ATP8A2: variants seen among roughly 807,000 people sequenced by gnomAD.
The protein encoded by ATP8A2 is phospholipid-transporting ATPase IB.
Under a neutral mutation model 165.6 loss-of-function variants are expected in ATP8A2, and 100 were observed. The ratio of observed to expected loss-of-function variants is 0.60; its 90% confidence interval spans 0.51 to 0.71. The LOEUF (loss-of-function observed/expected upper bound fraction) is 0.71, where lower values mean the gene tolerates loss of function less well. Ranked by LOEUF, ATP8A2 falls within the 30% of genes least tolerant of loss-of-function variation. The pLI, the probability that ATP8A2 is intolerant of heterozygous loss-of-function variation, is 0.00. For missense variants in ATP8A2, 1,227 were observed against 1,479.5 expected, an observed-to-expected ratio of 0.83 and a Z score of 2.80; for synonymous variants, 543 against 548.8, an observed-to-expected ratio of 0.99 and a Z score of 0.15.
rs1350490844 is a variant in ATP8A2 at position 26,021,544 on chromosome 13, C to T, written c.*1559C>T. The T allele has an allele frequency of 1.3e-5, 2 of 152,248 alleles. No homozygotes were observed. Among genetic ancestry groups the T allele is most frequent in the Admixed American group, 1.3e-4 (2 of 15,286 alleles). The allele number at this position is 152,248 out of a possible 1,614,324, so 9.4% of individuals were successfully genotyped here. The stretch of plus-strand genomic sequence containing the variant: ...ACTTTCCCAACTGCAGAGTCCCACA[C>T]TTAAATCTCAACAGAACCTAGATGT... On this transcript the variant is annotated 3_prime_UTR_variant, in exon 37 of 37. Transcript: ENST00000381655.
At chr13:25,812,249 A>G (rs1480500707) in intron 27 of ATP8A2, among the ~76,000 whole-genome samples, 9 of 150,988 alleles carry the variant, frequency 6.0e-5, no homozygotes, top group Admixed American at 6.0e-4. Context: ...ATGTACCATT[A>G]TAGTATGTTT....
intron 1 of ATP8A2, among the ~76,000 whole-genome samples, chr13:25,441,058 A>G (rs1326188744): frequency 2.0e-5 from 3 of 152,180 alleles, no homozygotes; most frequent in African/African-American, 7.2e-5. Flanking sequence ...GAAAACTATA[A>G]ACTCCTGATT....
At chr13:25,507,869 C>G (rs1482970933) in intron 2 of ATP8A2, among the ~76,000 whole-genome samples, 1 of 152,030 alleles carries the variant, frequency 6.6e-6, no homozygotes, top group Non-Finnish European at 1.5e-5. Context: ...TAAATGTAAA[C>G]TACATAATAT....
intron 26 of ATP8A2, among the ~76,000 whole-genome samples, chr13:25,770,864 C>T (rs921197232): frequency 6.6e-6 from 1 of 152,128 alleles, no homozygotes; most frequent in African/African-American, 2.4e-5. Flanking sequence ...ATCACATGAA[C>T]ACAAGGAAAA....
intron 2 of ATP8A2, among the ~76,000 whole-genome samples, chr13:25,499,278 G>A (rs556143931): frequency 2.6e-5 from 4 of 152,318 alleles, no homozygotes; most frequent in African/African-American, 9.6e-5. Context: ...AGGGAGATGA[G>A]TCTTGAGTGT....
chr13:25,741,809 C>T (rs766355775), intron 25 of ATP8A2, among the ~76,000 whole-genome samples: 9 of 152,194 alleles, frequency 5.9e-5, no homozygotes, highest in Non-Finnish European at 1.2e-4. Context: ...AAATTGGGTT[C>T]TGGGGCAGTA....
intron 1 of ATP8A2, among the ~76,000 whole-genome samples, chr13:25,388,198 G>A (rs1180612623): frequency 1.3e-5 from 2 of 152,002 alleles, no homozygotes; most frequent in African/African-American, 2.4e-5. Context: ...GAAAGAAGGA[G>A]GAAGGAAAGA....
rs1056336857 is a variant in ATP8A2 at position 25,693,671 on chromosome 13, G to C, written c.2212-5502G>C. Reference sequence around the variant, plus strand: ...AGAGAGACATCCCTCAGATCTCTCTGTCTCTCTCTCTCTCTCTGTTTTATT... The same window carrying C: ...AGAGAGACATCCCTCAGATCTCTCTCTCTCTCTCTCTCTCTCTGTTTTATT... On this transcript the variant is annotated intron_variant, in intron 24 of 36. Transcript: ENST00000381655. Among the ~76,000 whole-genome samples, 253 of 148,946 alleles carry C rather than the reference G, an allele frequency of 1.7e-3. 1 individual carries two copies. Among genetic ancestry groups the C allele is most frequent in the African/African-American group, 5.9e-3 (241 of 40,732 alleles).
intron 28 of ATP8A2, among the ~76,000 whole-genome samples, chr13:25,829,668 GTATATATATA>G (rs71080203): frequency 0.01 from 644 of 63,250 alleles, 8 homozygotes; most frequent in African/African-American, 0.02. Context: ...GACAGGTGTG[GTATATATATA>G]TATATATATA....
chr13:25,775,993 T>G (rs764798587), intron 27 of ATP8A2, among the ~76,000 whole-genome samples: 30 of 152,224 alleles, frequency 2.0e-4, no homozygotes, highest in Admixed American at 1.2e-3. Context: ...ATGTCACACA[T>G]CTGGTAACTA....
intron 35 of ATP8A2, among the ~76,000 whole-genome samples, chr13:26,010,917 C>T (rs1159346823): frequency 6.6e-6 from 1 of 152,186 alleles, no homozygotes; most frequent in Non-Finnish European, 1.5e-5. Flanking sequence ...ATGCCCTCTC[C>T]TGGAAATTCA....
At chr13:25,936,335 G>A (rs1035776225) in intron 33 of ATP8A2, among the ~76,000 whole-genome samples, 5 of 152,214 alleles carry the variant, frequency 3.3e-5, no homozygotes, top group Admixed American at 2.0e-4. Flanking sequence ...GGGGATTATA[G>A]GGAAGGATTC....
At chr13:25,649,953 C>A (rs1431065140) in intron 24 of ATP8A2, among the ~76,000 whole-genome samples, 1 of 152,016 alleles carries the variant, frequency 6.6e-6, no homozygotes, top group Non-Finnish European at 1.5e-5. Flanking sequence ...TCCACCTGAC[C>A]CCAGGTGGTC....
At chr13:25,455,748 A>C (rs1157859627) in intron 1 of ATP8A2, among the ~76,000 whole-genome samples, 1 of 152,162 alleles carries the variant, frequency 6.6e-6, no homozygotes, top group Non-Finnish European at 1.5e-5. Flanking sequence ...CCTCCTTGGC[A>C]TCCCAGACCC....
At chr13:25,606,504 A>G (rs879133676) in intron 24 of ATP8A2, among the ~76,000 whole-genome samples, 1 of 152,156 alleles carries the variant, frequency 6.6e-6, no homozygotes, top group East Asian at 1.9e-4. Flanking sequence ...TGACTTATTA[A>G]ATTGCCAGTC....
At chr13:25,622,674 G>A (rs907577408) in intron 24 of ATP8A2, among the ~76,000 whole-genome samples, 2 of 152,156 alleles carry the variant, frequency 1.3e-5, no homozygotes, top group Non-Finnish European at 2.9e-5. Context: ...CAGTCAAAAT[G>A]CAGGCACACA....
At chr13:25,741,274 G>A (rs974448072) in intron 25 of ATP8A2, among the ~76,000 whole-genome samples, 2 of 152,100 alleles carry the variant, frequency 1.3e-5, no homozygotes, top group African/African-American at 2.4e-5. Context: ...TTAAGACATC[G>A]GGACTGATGA....
intron 30 of ATP8A2, among the ~76,000 whole-genome samples, chr13:25,845,869 C>T (rs1273941983): frequency 6.6e-6 from 1 of 152,170 alleles, no homozygotes; most frequent in Non-Finnish European, 1.5e-5. Flanking sequence ...ATTATTCACT[C>T]ATTTTTGTAA....
rs756946760 is a variant in ATP8A2 at position 25,961,628 on chromosome 13, T to C, written c.3237T>C (p.Pro1079=). 1 of 1,614,116 alleles carries C rather than the reference T, an allele frequency of 6.2e-7. No individual in the cohort carries two copies. The highest frequency in any genetic ancestry group is 8.5e-7 in the Non-Finnish European group (1 of 1,179,934). The stretch of plus-strand genomic sequence containing the variant: ...TCTGGTTGGGATTATTTCTGGTTCC[T>C]ACTGCCTGTTTGATTGAAGATGTGG... ...AHFWLGLFLV[P]TACLIEDVAW... Residue 1079 remains proline (P), a synonymous_variant, in exon 34 of 37, where the codon CCT becomes CCC. Transcript: ENST00000381655.
Sources: allele counts gnomAD v4.1 joint callset (sites outside exome capture counted in the v4.1 genomes callset), GRCh38; gene constraint gnomAD v4.1.1; transcripts MANE v1.5; gene names NCBI Gene and HGNC (gene_info 2026-07-23, HGNC 2026-07-21).